ATP10B: variants seen among roughly 807,000 people sequenced by gnomAD.
ATP10B encodes the protein ATPase phospholipid transporting 10B (putative).
A neutral mutation model predicts 141.2 loss-of-function variants in ATP10B; 122 were observed. The observed-to-expected ratio is 0.86, with a 90% CI of 0.75 to 1.00. The LOEUF (loss-of-function observed/expected upper bound fraction) is 1.00. Ranked by LOEUF, ATP10B falls within the 50% of genes least tolerant of loss-of-function variation. The probability of loss-of-function intolerance (pLI) is 0.00; values close to 1 mark genes in which losing one functional copy is unlikely to be tolerated. For synonymous variants in ATP10B, 685 were observed against 692.0 expected, an observed-to-expected ratio of 0.99 and a Z score of 0.16; for missense variants, 1,876 against 1,825.3, an observed-to-expected ratio of 1.03 and a Z score of -0.51.
chr5:160,889,866 A>G, the ATP10B span, among the ~76,000 whole-genome samples: 25 of 152,258 alleles, frequency 1.6e-4, no homozygotes, highest in Non-Finnish European at 2.9e-4. Flanking sequence ...ACAACCAGCT[A>G]GAGAGGCTTT....
chr5:160,627,155 A>G (rs1442655766), intron 13 of ATP10B, among the ~76,000 whole-genome samples: 1 of 151,982 alleles, frequency 6.6e-6, no homozygotes, highest in Non-Finnish European at 1.5e-5. Context: ...TCCAGTTAAT[A>G]TTTACTCCTG....
intron 2 of ATP10B, among the ~76,000 whole-genome samples, chr5:160,768,366 G>A (rs920780829): frequency 3.9e-5 from 6 of 152,124 alleles, no homozygotes; most frequent in Non-Finnish European, 8.8e-5. Context: ...GGTGAAGCTG[G>A]GTGTGTAAAC....
the ATP10B span, among the ~76,000 whole-genome samples, chr5:160,881,541 G>T: frequency 3.1e-4 from 47 of 152,294 alleles, no homozygotes; most frequent in Admixed American, 1.2e-3. Flanking sequence ...GGCCGGGCGT[G>T]GTGGCTCACA....
intron 6 of ATP10B, among the ~76,000 whole-genome samples, chr5:160,672,431 T>C (rs1041723016): frequency 6.6e-6 from 1 of 152,200 alleles, no homozygotes. Flanking sequence ...CATGAAGACT[T>C]TGGGGTGTGC....
At chr5:160,666,014 A>G (rs1441635159) in intron 7 of ATP10B, among the ~76,000 whole-genome samples, 1 of 152,192 alleles carries the variant, frequency 6.6e-6, no homozygotes, top group Admixed American at 6.5e-5. Context: ...CAGAGGTTTC[A>G]TGTGTAAAAT....
At chr5:160,663,129 T>C (rs946232348) in intron 7 of ATP10B, among the ~76,000 whole-genome samples, 4 of 151,952 alleles carry the variant, frequency 2.6e-5, no homozygotes, top group African/African-American at 9.7e-5. Context: ...CATTAAAAAG[T>C]CAGGAAACAA....
At chr5:160,631,814 C>T (rs1758955719) in intron 13 of ATP10B, among the ~76,000 whole-genome samples, 1 of 152,156 alleles carries the variant, frequency 6.6e-6, no homozygotes, top group Admixed American at 6.5e-5. Flanking sequence ...AGTTAGGGAC[C>T]TCTCAACCCA....
chr5:160,751,694 A>G (rs1768160165), intron 2 of ATP10B, among the ~76,000 whole-genome samples: 1 of 151,486 alleles, frequency 6.6e-6, no homozygotes, highest in African/African-American at 2.4e-5. Context: ...TTCCTTGTCC[A>G]CTCTGGAACT....
At chr5:160,784,646 G>A (rs1771000815) in intron 2 of ATP10B, among the ~76,000 whole-genome samples, 2 of 152,022 alleles carry the variant, frequency 1.3e-5, no homozygotes, top group South Asian at 2.1e-4. Context: ...TAATGCCTTG[G>A]GTTTTATATC....
intron 13 of ATP10B, among the ~76,000 whole-genome samples, chr5:160,624,964 A>G (rs1249853396): frequency 3.3e-5 from 5 of 152,114 alleles, no homozygotes; most frequent in African/African-American, 1.2e-4. Context: ...CACTCAAGGA[A>G]CTCCAAACCT....
At chr5:160,759,127 A>C (rs940341520) in intron 2 of ATP10B, among the ~76,000 whole-genome samples, 22 of 152,340 alleles carry the variant, frequency 1.4e-4, no homozygotes, top group Middle Eastern at 6.8e-3. Flanking sequence ...AATCTGGAAA[A>C]GAGGTTAGAT....
At chr5:160,772,041 T>C (rs1185192387) in intron 2 of ATP10B, among the ~76,000 whole-genome samples, 1 of 152,262 alleles carries the variant, frequency 6.6e-6, no homozygotes, top group Non-Finnish European at 1.5e-5. Flanking sequence ...ATATTTAAGT[T>C]GCTTCCATAA....
intron 21 of ATP10B, among the ~76,000 whole-genome samples, chr5:160,602,038 G>T (rs1188300381): frequency 6.6e-6 from 1 of 152,118 alleles, no homozygotes; most frequent in African/African-American, 2.4e-5. Flanking sequence ...GTTCAGACTA[G>T]CTCTTCAAAT....
chr5:160,791,860 C>T (rs1771595280), intron 1 of ATP10B, among the ~76,000 whole-genome samples: 1 of 152,084 alleles, frequency 6.6e-6, no homozygotes, highest in Non-Finnish European at 1.5e-5. Flanking sequence ...AGAAAACTGA[C>T]AGTATCAGCC....
intron 6 of ATP10B, 75 bp downstream of exon 6, chr5:160,686,004 G>T: frequency 9.1e-7 from 1 of 1,098,538 alleles, no homozygotes; most frequent in Non-Finnish European, 1.2e-6. Flanking sequence ...GAAGAAAAGA[G>T]ACTCATCCTG....
chr5:160,787,098 TGACACAGA>T (rs1012333479), intron 1 of ATP10B, among the ~76,000 whole-genome samples: 1 of 116,868 alleles, frequency 8.6e-6, no homozygotes, highest in African/African-American at 3.4e-5. Context: ...TGAAGGGTTT[TGACACAGA>T]CACACACACA....
chr5:160,781,643 G>A (rs898055022), intron 2 of ATP10B, among the ~76,000 whole-genome samples: 3 of 152,148 alleles, frequency 2.0e-5, no homozygotes, highest in South Asian at 2.1e-4. Context: ...TCATTTTCCA[G>A]TGTGTTTTGG....
intron 2 of ATP10B, among the ~76,000 whole-genome samples, chr5:160,717,508 G>T (rs1190637935): frequency 6.6e-6 from 1 of 152,134 alleles, no homozygotes; most frequent in Non-Finnish European, 1.5e-5. Flanking sequence ...AGTGAACTTG[G>T]GACAGTTTGT....
intron 10 of ATP10B, among the ~76,000 whole-genome samples, chr5:160,637,723 TA>T (rs1759524698): frequency 6.6e-6 from 1 of 152,182 alleles, no homozygotes; most frequent in Admixed American, 6.5e-5. Context: ...TAGAATAATC[TA>T]ATGTTTAAAA....
Sources: allele counts gnomAD v4.1 joint callset (sites outside exome capture counted in the v4.1 genomes callset), GRCh38; gene constraint gnomAD v4.1.1; transcripts MANE v1.5; gene names NCBI Gene and HGNC (gene_info 2026-07-23, HGNC 2026-07-21).